Variants in SSBP2 observed in about 807,000 individuals in gnomAD.
SSBP2 encodes the protein single stranded DNA binding protein 2, also known as single-stranded DNA-binding protein 2.
A neutral mutation model predicts 61.8 loss-of-function variants in SSBP2; 17 were observed. The observed-to-expected ratio is 0.28, with a 90% CI of 0.19 to 0.41. The LOEUF (loss-of-function observed/expected upper bound fraction) is 0.41, where lower values mean the gene tolerates loss of function less well. Among genes scored for constraint, SSBP2 ranks in the 10% least tolerant of loss-of-function variants. The pLI is 1.00. For synonymous variants in SSBP2, 139 were observed against 141.3 expected, an observed-to-expected ratio of 0.98 and a Z score of 0.12; for missense variants, 310 against 458.7, an observed-to-expected ratio of 0.68 and a Z score of 2.96.
chr5:81,538,094 C>T (rs1028434604), intron 4 of SSBP2, among the ~76,000 whole-genome samples: 1 of 152,006 alleles, frequency 6.6e-6, no homozygotes, highest in South Asian at 2.1e-4. Context: ...CAAGATAGGC[C>T]GAAAGCTAGT....
At chr5:81,693,202 T>TAAAAAAAAAAAAAAA (rs34403567) in intron 1 of SSBP2, among the ~76,000 whole-genome samples, 4 of 116,146 alleles carry the variant, frequency 3.4e-5, no homozygotes, top group Non-Finnish European at 5.3e-5. Flanking sequence ...GACTTTGTCT[T>TAAAAAAAAAAAAAAA]AAAAAAAAAA....
intron 8 of SSBP2, among the ~76,000 whole-genome samples, chr5:81,472,871 G>A (rs980377634): frequency 6.6e-6 from 1 of 152,180 alleles, no homozygotes. Context: ...AAAGTGCTGG[G>A]ATTATAGGCG....
At chr5:81,660,327 C>T (rs1396784815) in intron 1 of SSBP2, among the ~76,000 whole-genome samples, 12 of 152,046 alleles carry the variant, frequency 7.9e-5, no homozygotes, top group East Asian at 5.8e-4. Context: ...AAGAAAAAAA[C>T]GAACAACCCC....
At chr5:81,726,611 A>C (rs892980207) in intron 1 of SSBP2, among the ~76,000 whole-genome samples, 3 of 152,134 alleles carry the variant, frequency 2.0e-5, no homozygotes, top group African/African-American at 7.2e-5. Flanking sequence ...ACCACAGAGA[A>C]AATTAAATTC....
intron 4 of SSBP2, 90 bp from the exon 5 acceptor site, chr5:81,513,807 C>T: frequency 2.6e-6 from 2 of 755,294 alleles, no homozygotes; most frequent in South Asian, 3.4e-5. Context: ...GGACGGGATG[C>T]TCTTTCATGC....
At chr5:81,604,126 T>G (rs1417945813) in intron 4 of SSBP2, among the ~76,000 whole-genome samples, 1 of 152,074 alleles carries the variant, frequency 6.6e-6, no homozygotes, top group Non-Finnish European at 1.5e-5. Context: ...AAAAATTCTA[T>G]ATTTACTATG....
At chr5:81,571,085 T>C (rs182606992) in intron 4 of SSBP2, among the ~76,000 whole-genome samples, 1 of 152,220 alleles carries the variant, frequency 6.6e-6, no homozygotes, top group Non-Finnish European at 1.5e-5. Flanking sequence ...AGAGGAATTA[T>C]CTTGGTTTCT....
chr5:81,424,921 C>T (rs1216440042), intron 16 of SSBP2, among the ~76,000 whole-genome samples: 1 of 152,164 alleles, frequency 6.6e-6, no homozygotes, highest in Non-Finnish European at 1.5e-5. Flanking sequence ...AATGTTTATG[C>T]CAAAATGCTG....
intron 3 of SSBP2, among the ~76,000 whole-genome samples, chr5:81,629,011 A>AG (rs1338987023): frequency 6.6e-6 from 1 of 151,560 alleles, no homozygotes; most frequent in Admixed American, 6.6e-5. Context: ...TTTTGAGACA[A>AG]GGTCTTGCTC....
At chr5:81,724,156 GAGTA>G (rs1365454630) in intron 1 of SSBP2, among the ~76,000 whole-genome samples, 1 of 151,940 alleles carries the variant, frequency 6.6e-6, no homozygotes, top group Non-Finnish European at 1.5e-5. Context: ...ATAAACTTTA[GAGTA>G]AGTGTGTTGA....
intron 4 of SSBP2, among the ~76,000 whole-genome samples, chr5:81,593,479 A>C (rs1306829180): frequency 1.3e-5 from 2 of 152,214 alleles, no homozygotes; most frequent in African/African-American, 4.8e-5. Context: ...CAAATTCAGG[A>C]AATACAGAGA....
chr5:81,478,644 A>AT (rs1450554323), intron 6 of SSBP2, among the ~76,000 whole-genome samples: 1 of 151,782 alleles, frequency 6.6e-6, no homozygotes, highest in Non-Finnish European at 1.5e-5. Context: ...GCCTATTTTT[A>AT]TTTTTTTATA....
intron 4 of SSBP2, among the ~76,000 whole-genome samples, chr5:81,577,652 T>C (rs1774314144): frequency 6.6e-6 from 1 of 152,004 alleles, no homozygotes; most frequent in Non-Finnish European, 1.5e-5. Flanking sequence ...GCAAGGTCAT[T>C]TGTCCTGAAA....
chr5:81,493,271 T>C (rs1204925216), intron 5 of SSBP2, among the ~76,000 whole-genome samples: 1 of 150,978 alleles, frequency 6.6e-6, no homozygotes, highest in Admixed American at 6.6e-5. Context: ...GATAGATAGA[T>C]AGATAGATAG....
intron 13 of SSBP2, 145 bp from the exon 14 acceptor site, chr5:81,440,781 G>C: frequency 1.7e-6 from 1 of 600,730 alleles, no homozygotes. Context: ...ATGTTTTTCA[G>C]CCTTGTGGAT....
At chr5:81,607,533 C>T (rs1263626249) in intron 4 of SSBP2, among the ~76,000 whole-genome samples, 3 of 152,090 alleles carry the variant, frequency 2.0e-5, no homozygotes, top group Non-Finnish European at 4.4e-5. Flanking sequence ...ACTGGTAATT[C>T]AATACATGCT....
rs185043984 is a variant in SSBP2 at position 81,615,267 on chromosome 5, C to T, written c.282+206G>A. ...TTTCTTTAATAGCTTAGAATTAGGCCTACGCTTTATCCTAAGCTTTAACAA... is the reference window on the plus strand; with the variant it reads ...TTTCTTTAATAGCTTAGAATTAGGCTTACGCTTTATCCTAAGCTTTAACAA... On this transcript the variant is annotated intron_variant, in intron 4 of 16. Transcript: ENST00000320672. 2,780 of 542,692 alleles carry T rather than the reference C, an allele frequency of 5.1e-3. 13 individuals are homozygous for T. The highest frequency in any genetic ancestry group is 6.8e-3 in the Non-Finnish European group (2,094 of 307,702). 33.6% of individuals were successfully genotyped at this position (542,692 alleles called of 1,614,324 possible).
intron 10 of SSBP2, among the ~76,000 whole-genome samples, chr5:81,453,251 C>A (rs1763895176): frequency 6.6e-6 from 1 of 151,892 alleles, no homozygotes. Context: ...TGAGCTGAGA[C>A]TGCACCACTT....
chr5:81,596,209 G>A (rs1743732105), intron 4 of SSBP2, among the ~76,000 whole-genome samples: 1 of 152,054 alleles, frequency 6.6e-6, no homozygotes. Context: ...CAAACAGAGA[G>A]CCAAATCATG....
Sources: gnomAD v4.1 joint callset for allele counts (sites outside exome capture counted in the v4.1 genomes callset) on GRCh38, gnomAD v4.1.1 for gene constraint, MANE v1.5 for transcripts, NCBI Gene and HGNC (gene_info 2026-07-23, HGNC 2026-07-21) for gene names.